Variants in COLGALT2 observed in about 807,000 individuals in gnomAD.
COLGALT2 encodes procollagen galactosyltransferase 2.
COLGALT2 carries 49 observed loss-of-function variants against 73.4 expected under a neutral mutation model. The ratio of observed to expected loss-of-function variants is 0.67; its 90% confidence interval spans 0.53 to 0.85. The LOEUF (loss-of-function observed/expected upper bound fraction) is 0.85, where lower values mean the gene tolerates loss of function less well. Ranked by LOEUF, COLGALT2 falls within the 40% of genes least tolerant of loss-of-function variation. The pLI, the probability that COLGALT2 is intolerant of heterozygous loss-of-function variation, is 0.00. For synonymous variants in COLGALT2, 295 were observed against 307.6 expected, an observed-to-expected ratio of 0.96 and a Z score of 0.43; for missense variants, 722 against 790.2, an observed-to-expected ratio of 0.91 and a Z score of 1.03.
chr1:183,948,174 G>A (rs994408926), intron 8 of COLGALT2, among the ~76,000 whole-genome samples: 10 of 152,058 alleles, frequency 6.6e-5, no homozygotes, highest in South Asian at 2.1e-4. Context: ...TTGTTAACAC[G>A]AATCTTTCAC....
intron 1 of COLGALT2, among the ~76,000 whole-genome samples, chr1:184,035,109 C>T (rs747727630): frequency 6.6e-6 from 1 of 152,014 alleles, no homozygotes; most frequent in African/African-American, 2.4e-5. Flanking sequence ...TTTCAAAGGT[C>T]TATGCAGAAC....
Position 183,944,289 on chromosome 1 carries a change from A to G in COLGALT2, c.1304T>C (p.Ile435Thr). 4 of 1,613,970 alleles carry G rather than the reference A, an allele frequency of 2.5e-6. No homozygotes were observed. Among genetic ancestry groups the G allele is most frequent in the Non-Finnish European group, 3.4e-6 (4 of 1,179,940 alleles). ...IDRELEKTLVIEDDVRFEHQF... is the reference protein window; with the variant it reads ...IDRELEKTLVTEDDVRFEHQF... Reference sequence around the variant, plus strand: ...ATGCTCAAAACGCACATCGTCTTCAATTACAAGAGTCTTCTCTAGCTCTCG... The same window carrying G: ...ATGCTCAAAACGCACATCGTCTTCAGTTACAAGAGTCTTCTCTAGCTCTCG... Residue 435 changes from isoleucine (I) to threonine (T), a missense_variant, in exon 10 of 12, where the codon ATT (isoleucine) becomes ACT (threonine). Transcript: ENST00000361927.
At chr1:184,017,540 C>T (rs1234732408) in intron 1 of COLGALT2, among the ~76,000 whole-genome samples, 1 of 152,158 alleles carries the variant, frequency 6.6e-6, no homozygotes. Context: ...CGACTGCAAA[C>T]TAAATGCATC....
intron 1 of COLGALT2, among the ~76,000 whole-genome samples, chr1:184,019,173 G>A (rs556992114): frequency 8.4e-4 from 128 of 152,276 alleles, no homozygotes; most frequent in African/African-American, 2.5e-3. Flanking sequence ...ATTGACTTAA[G>A]GAATCGAAGT....
intron 1 of COLGALT2, among the ~76,000 whole-genome samples, chr1:183,984,780 C>T (rs577951490): frequency 1.3e-5 from 2 of 152,326 alleles, no homozygotes; most frequent in Non-Finnish European, 2.9e-5. Flanking sequence ...TCTTCTCCAG[C>T]TGTGCAAGTT....
In COLGALT2 at chr1:183,969,565, A is replaced by G. The variant is rs1044318309; in HGVS notation, c.628-92T>C. The G allele has an allele frequency of 6.9e-6, 8 of 1,166,518 alleles. No homozygotes were observed. The African/African-American group carries it at 1.2e-4, about 18-fold the overall frequency. The allele number at this position is 1,166,518 out of a possible 1,614,324, so 72.3% of individuals were successfully genotyped here. ...CTAGACTGATTCCTTTCAAGTCATT[A>G]CCAGCTATATACAAGCTCCCAAACA... On this transcript the variant is annotated intron_variant, in intron 4 of 11. Coordinates refer to ENST00000361927, the MANE Select transcript of COLGALT2 (RefSeq NM_015101.4).
chr1:183,957,132 C>T (rs542144748), intron 6 of COLGALT2, among the ~76,000 whole-genome samples: 3 of 152,038 alleles, frequency 2.0e-5, no homozygotes, highest in Admixed American at 6.5e-5. Context: ...TTATCACTCA[C>T]AGAACCCAGA....
At chr1:183,959,266 C>T (rs1240981374) in intron 6 of COLGALT2, among the ~76,000 whole-genome samples, 1 of 152,152 alleles carries the variant, frequency 6.6e-6, no homozygotes, top group Non-Finnish European at 1.5e-5. Flanking sequence ...CTTCAAATAT[C>T]CTTCTGATGC....
intron 1 of COLGALT2, among the ~76,000 whole-genome samples, chr1:184,032,152 C>G (rs141284341): frequency 2.6e-5 from 4 of 152,166 alleles, no homozygotes; most frequent in South Asian, 2.1e-4. Context: ...CCTCGGCCCC[C>G]CAAAGTGCTA....
At chr1:183,954,666 C>T (rs1670504030) in intron 7 of COLGALT2, 96 bp downstream of exon 7, 2 of 930,862 alleles carry the variant, frequency 2.1e-6, no homozygotes, top group African/African-American at 1.6e-5. Context: ...GCCAGTCTTG[C>T]TGGCTCTCAG....
downstream of COLGALT2, among the ~76,000 whole-genome samples, chr1:183,931,809 A>AG (rs1553309186): frequency 2.9e-3 from 433 of 150,020 alleles, 1 homozygote; most frequent in Non-Finnish European, 4.8e-3. Context: ...AAAAAAAAAA[A>AG]AAGAAGAAGA....
Position 183,944,398 on chromosome 1 carries a change from A to G in COLGALT2, c.1270-75T>C, listed in dbSNP as rs1230858969. The G allele has an allele frequency of 2.6e-6, 4 of 1,512,076 alleles. No homozygotes were observed. In the African/African-American group the frequency reaches 5.6e-5, roughly 21 times the overall value. The allele number at this position is 1,512,076 out of a possible 1,614,324, so 93.7% of individuals were successfully genotyped here. A position where few individuals can be genotyped will look rare whatever the true frequency, so the allele number is the denominator to read the frequency against. On this transcript the variant is annotated intron_variant, in intron 9 of 11. Transcript: ENST00000361927. Reference sequence around the variant, plus strand: ...ATTTTTATTAGATAAATAAGTATTAAAAAGTCACGAGTCTAGTAGCACAGA... The same window carrying G: ...ATTTTTATTAGATAAATAAGTATTAGAAAGTCACGAGTCTAGTAGCACAGA...
chr1:184,035,722 A>C (rs1227896966), intron 1 of COLGALT2, among the ~76,000 whole-genome samples: 1 of 152,236 alleles, frequency 6.6e-6, no homozygotes, highest in Non-Finnish European at 1.5e-5. Flanking sequence ...CTTAAAAAAA[A>C]CACAACAACT....
chr1:183,972,231 G>T (rs371693687), intron 4 of COLGALT2, among the ~76,000 whole-genome samples: 1 of 152,048 alleles, frequency 6.6e-6, no homozygotes, highest in Non-Finnish European at 1.5e-5. Context: ...TCAGCCTCCC[G>T]AATAGATGGA....
chr1:183,934,365 G>GC (rs1403482280), downstream of COLGALT2, among the ~76,000 whole-genome samples: 1 of 152,154 alleles, frequency 6.6e-6, no homozygotes, highest in Non-Finnish European at 1.5e-5. Context: ...CTGACTTAGG[G>GC]CCGCGGGCTC....
At chr1:183,995,783 C>T (rs1408944414) in intron 1 of COLGALT2, among the ~76,000 whole-genome samples, 1 of 151,816 alleles carries the variant, frequency 6.6e-6, no homozygotes, top group Non-Finnish European at 1.5e-5. Flanking sequence ...CTTTCTTTAT[C>T]CCTTTAATTG....
intron 1 of COLGALT2, among the ~76,000 whole-genome samples, chr1:183,998,824 A>G (rs750093597): frequency 6.6e-6 from 1 of 152,014 alleles, no homozygotes; most frequent in South Asian, 2.1e-4. Flanking sequence ...GGTTTCTACT[A>G]TAAATAATAT....
Position 184,037,242 on chromosome 1 carries a change from C to G in COLGALT2, c.116G>C (p.Gly39Ala), listed in dbSNP as rs1327607243. 2 of 1,584,092 alleles carry G rather than the reference C, an allele frequency of 1.3e-6. No homozygotes were observed. Among genetic ancestry groups the G allele is most frequent in the Non-Finnish European group, 1.7e-6 (2 of 1,167,196 alleles). ...FVAERDSEDD[G>A]EEPVVFPESP... is the part of the protein sequence containing the mutation. ...CTCCGGGAAAACCACCGGCTCCTCT[C>G]CGTCGTCCTCCGAGTCCCGCTCGGC... The change falls in exon 1 of 12, where the codon GGA (glycine) becomes GCA (alanine). Residue 39 changes from glycine to alanine, a missense_variant. Physicochemically the swap from Gly to Ala is moderately conservative, Grantham distance 60 (BLOSUM62 0). Coordinates refer to ENST00000361927, the MANE Select transcript of COLGALT2 (RefSeq NM_015101.4).
At chr1:183,984,386 G>C (rs1454571176) in intron 1 of COLGALT2, among the ~76,000 whole-genome samples, 3 of 152,192 alleles carry the variant, frequency 2.0e-5, no homozygotes, top group Admixed American at 6.5e-5. Context: ...GCCTGGGTGA[G>C]AGAGTGAGAT....
Sources: allele counts gnomAD v4.1 joint callset (sites outside exome capture counted in the v4.1 genomes callset), GRCh38; gene constraint gnomAD v4.1.1; transcripts MANE v1.5; gene names NCBI Gene and HGNC (gene_info 2026-07-23, HGNC 2026-07-21).